The following CSF2RA variants were observed in gnomAD, a reference collection of about 807,000 sequenced individuals.
CSF2RA encodes the protein granulocyte-macrophage colony-stimulating factor receptor subunit alpha.
Under a neutral mutation model 51.6 loss-of-function variants are expected in CSF2RA, and 42 were observed. The observed-to-expected ratio is 0.81, with a 90% CI of 0.64 to 1.05. The LOEUF is 1.05. Among genes scored for constraint, CSF2RA ranks in the 50% least tolerant of loss-of-function variants. The pLI, the probability that CSF2RA is intolerant of heterozygous loss-of-function variation, is 0.00. For missense variants in CSF2RA, 530 were observed against 501.1 expected (o/e 1.06, Z -0.55); for synonymous variants, 222 against 193.0 (o/e 1.15, Z -1.24).
chrX:1,308,032 C>T (rs2083851613), intron 12 of CSF2RA, among the ~76,000 whole-genome samples: 1 of 149,184 alleles, frequency 6.7e-6, no homozygotes, highest in South Asian at 2.1e-4. Context: ...TAGATGAGGC[C>T]CACCCCTCTT....
At chrX:1,288,924 T>C in intron 6 of CSF2RA, 36 bp downstream of exon 6, 7 of 1,612,686 alleles carry the variant, frequency 4.3e-6, no homozygotes, top group Non-Finnish European at 5.9e-6. Context: ...TTATGAGGAA[T>C]GCAGGGATGG....
Position 1,288,531 on chromosome X carries a change from G to C in CSF2RA, c.232G>C (p.Glu78Gln), listed in dbSNP as rs753067685. The change falls in exon 5 of 13, where the codon GAA (glutamate) becomes CAA (glutamine). Residue 78 changes from glutamate (E) to glutamine (Q), a missense_variant. Glu to Gln is a conservative substitution (Grantham distance 29, BLOSUM62 2). Coordinates refer to ENST00000381529, the MANE Select transcript of CSF2RA (RefSeq NM_172245.4). ...RVVEPRLSNN[E>Q]CSCTFREICL... ...TGCAATTCTTCAGCTCAGTAACAAC[G>C]AATGTTCGTGCACATTTCGTGAAAT... is the stretch of plus-strand genomic sequence containing the variant. 6.2e-7 allele frequency: 1 copy of C among 1,613,884 alleles called. No individual in the cohort carries two copies.
At chrX:1,309,230 G>C (rs377392505) in intron 12 of CSF2RA, among the ~76,000 whole-genome samples, 172 bp from the exon 13 acceptor site, 4 of 152,128 alleles carry the variant, frequency 2.6e-5, no homozygotes, top group Admixed American at 1.3e-4. Flanking sequence ...CAGGAGAATC[G>C]CTTGAACCCG....
intron 1 of CSF2RA, among the ~76,000 whole-genome samples, chrX:1,273,312 T>C (rs57844650): frequency 0.46 from 70,203 of 151,418 alleles, 17,789 homozygotes; most frequent in Non-Finnish European, 0.58. Context: ...TGTTTCTTAG[T>C]TGTATTTTTT....
In CSF2RA at chrX:1,305,625, C is replaced by T. The variant is rs776713139; in HGVS notation, c.1125+98C>T. ...GGTGTCGACCATCTTGCTTCTCCAC[C>T]AGATGGGACCGCAGCGTCACCACCG... On this transcript the variant is annotated intron_variant, in intron 12 of 12. Coordinates refer to ENST00000381529, the MANE Select transcript of CSF2RA (RefSeq NM_172245.4). The T allele has an allele frequency of 3.1e-6, 5 of 1,613,486 alleles. No individual in the cohort carries two copies. The African/African-American group carries it at 5.3e-5, about 17-fold the overall frequency.
chrX:1,312,584 G>A (rs768882472), downstream of CSF2RA, among the ~76,000 whole-genome samples: 7 of 152,186 alleles, frequency 4.6e-5, no homozygotes, highest in East Asian at 1.9e-4. Flanking sequence ...CCATATTTAC[G>A]GGACATTATT....
chrX:1,275,088 CAAAAA>C (rs59502193), intron 2 of CSF2RA, among the ~76,000 whole-genome samples: 1 of 118,456 alleles, frequency 8.4e-6, no homozygotes, highest in Non-Finnish European at 1.7e-5. Context: ...ATGAACCTGT[CAAAAA>C]AAAAAAAAAA....
rs781308302 is a variant in CSF2RA, at chrX:1,309,523, G to A, written c.*44G>A. 2.1e-5 allele frequency: 34 copies of A among 1,613,976 alleles called. No individual in the cohort carries two copies. The highest frequency in any genetic ancestry group is 9.9e-5 in the South Asian group (9 of 91,074). On this transcript the variant is annotated 3_prime_UTR_variant, in exon 13 of 13. Transcript: ENST00000381529. ...ATGGCATGGACATCTCCGCCTCCGC[G>A]ACACGGGGGAACTGTTTTCTTGATG...
intron 10 of CSF2RA, 34 bp downstream of exon 10, chrX:1,300,660 C>T: frequency 6.2e-7 from 1 of 1,613,790 alleles, no homozygotes; most frequent in Middle Eastern, 1.7e-4. Flanking sequence ...GATGTTTGTG[C>T]CGTCTGCGGC....
chrX:1,286,361 G>A (rs1254466844), intron 4 of CSF2RA, among the ~76,000 whole-genome samples: 5 of 151,924 alleles, frequency 3.3e-5, no homozygotes, highest in African/African-American at 1.2e-4. Context: ...CTGAGGTCAG[G>A]AGTTCAAGAC....
At position 1,309,837 on chromosome X, in the gene CSF2RA, A is replaced by G. The variant is rs28637297; in HGVS notation, c.*358A>G. ...CGTGAGGCGGAGGTTGTAGTGAGCC[A>G]AGATCGCACCATTGCACACCAACCT... On this transcript the variant is annotated 3_prime_UTR_variant, in exon 13 of 13. Coordinates refer to ENST00000381529, the MANE Select transcript of CSF2RA (RefSeq NM_172245.4). 156,853 of 602,462 alleles carry G rather than the reference A, an allele frequency of 0.26. 24,502 individuals carry two copies. The highest frequency in any genetic ancestry group is 0.51 in the East Asian group (18,404 of 36,358). The allele number at this position is 602,462 out of a possible 1,614,324, so 37.3% of individuals were successfully genotyped here. A position where few individuals can be genotyped will look rare whatever the true frequency, so the allele number is the denominator to read the frequency against.
chrX:1,277,010 G>A (rs1456530037), intron 2 of CSF2RA, among the ~76,000 whole-genome samples: 4 of 151,710 alleles, frequency 2.6e-5, no homozygotes, highest in Non-Finnish European at 4.4e-5. Flanking sequence ...GAGGCAGGAG[G>A]ACCACTTGAA....
intron 2 of CSF2RA, among the ~76,000 whole-genome samples, chrX:1,281,007 C>G (rs1281323063): frequency 8.3e-6 from 1 of 120,920 alleles, no homozygotes; most frequent in East Asian, 2.8e-4. Context: ...CCTCCTCCTC[C>G]TTCTCCTCCT....
intron 1 of CSF2RA, among the ~76,000 whole-genome samples, chrX:1,271,001 G>A (rs1380942799): frequency 4.0e-5 from 6 of 151,168 alleles, no homozygotes; most frequent in Non-Finnish European, 7.4e-5. Context: ...GGGCAACATC[G>A]TAAGATTCCC....
At chrX:1,284,257 G>A (rs1166358327) in intron 3 of CSF2RA, among the ~76,000 whole-genome samples, 3 of 140,556 alleles carry the variant, frequency 2.1e-5, no homozygotes, top group East Asian at 2.2e-4. Flanking sequence ...AGGCTGGAGT[G>A]CAGTGGCGTG....
chrX:1,288,387 C>T (rs1392396171), intron 4 of CSF2RA, 132 bp from the exon 5 acceptor site: 15 of 923,396 alleles, frequency 1.6e-5, no homozygotes, highest in African/African-American at 3.1e-5. Flanking sequence ...GAGGCTGAGG[C>T]GGGAGAATTG....
downstream of CSF2RA, among the ~76,000 whole-genome samples, chrX:1,311,579 G>A (rs1443872566): frequency 4.6e-5 from 7 of 151,598 alleles, no homozygotes; most frequent in Non-Finnish European, 7.4e-5. Flanking sequence ...GAGTACAGGC[G>A]CCCGCCACCA....
chrX:1,320,426 C>T, the CSF2RA span, among the ~76,000 whole-genome samples: 1 of 151,772 alleles, frequency 6.6e-6, no homozygotes, highest in Non-Finnish European at 1.5e-5. Flanking sequence ...AAAAGGGAAG[C>T]TCCAAGAAGT....
chrX:1,291,510 C>T (rs2091397022), intron 7 of CSF2RA, among the ~76,000 whole-genome samples: 1 of 151,916 alleles, frequency 6.6e-6, no homozygotes, highest in Non-Finnish European at 1.5e-5. Context: ...CCTCTTGGAG[C>T]CAGTCCCATA....
Sources: allele counts gnomAD v4.1 joint callset (sites outside exome capture counted in the v4.1 genomes callset), GRCh38; gene constraint gnomAD v4.1.1; transcripts MANE v1.5; gene names NCBI Gene and HGNC (gene_info 2026-07-23, HGNC 2026-07-21).